NFATC1: variants seen among roughly 807,000 people sequenced by gnomAD.
The protein encoded by NFATC1 is nuclear factor of activated T cells 1.
A neutral mutation model predicts 76.0 loss-of-function variants in NFATC1; 22 were observed. The observed-to-expected ratio is 0.29, with a 90% CI of 0.21 to 0.41. The LOEUF is 0.41. Among genes scored for constraint, NFATC1 ranks in the 10% least tolerant of loss-of-function variants. The pLI, the probability that NFATC1 is intolerant of heterozygous loss-of-function variation, is 1.00. For synonymous variants in NFATC1, 704 were observed against 613.1 expected, an observed-to-expected ratio of 1.15 and a Z score of -2.19; for missense variants, 1,357 against 1,337.7, an observed-to-expected ratio of 1.01 and a Z score of -0.23.
Position 79,506,037 on chromosome 18 carries a change from T to G in NFATC1, c.2782+19100T>G, listed in dbSNP as rs79394400. On this transcript the variant is annotated intron_variant, in intron 9 of 9. Transcript: ENST00000427363. ...TTTTGTGCCCTTCTCAAGGGTGCAT[T>G]ACCTGTGTGAAACGTGCCTCCGTAG... 5.9e-5 allele frequency among the ~76,000 whole-genome samples: 9 copies of G among 152,324 alleles called. No homozygotes were observed. The East Asian group carries it at 1.5e-3, about 26-fold the overall frequency.
chr18:79,416,900 A>G (rs1435526230), intron 2 of NFATC1, among the ~76,000 whole-genome samples: 1 of 152,070 alleles, frequency 6.6e-6, no homozygotes, highest in Non-Finnish European at 1.5e-5. Context: ...GGCTCCCGGC[A>G]TGGGTGTCAG....
chr18:79,436,301 C>T (rs1600706975), intron 3 of NFATC1, among the ~76,000 whole-genome samples: 1 of 152,214 alleles, frequency 6.6e-6, no homozygotes, highest in Non-Finnish European at 1.5e-5. Flanking sequence ...CCACTGGGAG[C>T]CGTTGGGAAC....
At chr18:79,513,997 T>G (rs1328661369) in intron 9 of NFATC1, among the ~76,000 whole-genome samples, 1 of 152,184 alleles carries the variant, frequency 6.6e-6, no homozygotes, top group Non-Finnish European at 1.5e-5. Context: ...AAGGCCGTGC[T>G]GATCTCCACG....
At chr18:79,473,046 T>C (rs527359522) in intron 8 of NFATC1, among the ~76,000 whole-genome samples, 2 of 152,372 alleles carry the variant, frequency 1.3e-5, no homozygotes, top group South Asian at 4.1e-4. Context: ...CCGGGACCCC[T>C]ACACTGATGT....
At chr18:79,521,373 T>G (rs1330283829) in intron 9 of NFATC1, among the ~76,000 whole-genome samples, 5 of 73,878 alleles carry the variant, frequency 6.8e-5, no homozygotes, top group African/African-American at 1.7e-4. Context: ...TGTGTGTGTG[T>G]GGGGAGCATC....
chr18:79,495,838 G>A (rs1297179864), intron 9 of NFATC1, among the ~76,000 whole-genome samples: 1 of 152,172 alleles, frequency 6.6e-6, no homozygotes, highest in Non-Finnish European at 1.5e-5. Context: ...CTGTAACACA[G>A]GCAAGCTGTG....
At chr18:79,416,223 TCA>T (rs1453627145) in intron 2 of NFATC1, among the ~76,000 whole-genome samples, 7 of 152,264 alleles carry the variant, frequency 4.6e-5, no homozygotes, top group African/African-American at 1.7e-4. Context: ...TCTGAAAGTT[TCA>T]CAGTTTATCA....
chr18:79,503,177 G>A (rs1043324665), intron 9 of NFATC1, among the ~76,000 whole-genome samples: 1 of 152,212 alleles, frequency 6.6e-6, no homozygotes, highest in Non-Finnish European at 1.5e-5. Flanking sequence ...GGTGAACCTG[G>A]AAACCCTCAT....
chr18:79,467,310 GTT>G, intron 7 of NFATC1, 138 bp from the exon 8 acceptor site: 1 of 769,670 alleles, frequency 1.3e-6, no homozygotes, highest in Admixed American at 2.7e-5. Flanking sequence ...GAAACGCGGG[GTT>G]GCCGTGTGGC....
intron 1 of NFATC1, among the ~76,000 whole-genome samples, chr18:79,397,494 G>T (rs1023004915): frequency 1.3e-5 from 2 of 152,212 alleles, no homozygotes; most frequent in African/African-American, 2.4e-5. Context: ...CTCCACGGAG[G>T]GGGGTCCGTG....
chr18:79,432,417 G>T (rs1177957947), intron 2 of NFATC1, among the ~76,000 whole-genome samples: 1 of 152,286 alleles, frequency 6.6e-6, no homozygotes, highest in Non-Finnish European at 1.5e-5. Flanking sequence ...ACATAGCGGT[G>T]AGGACAGCCG....
chr18:79,446,821 C>T (rs376788387), intron 3 of NFATC1, among the ~76,000 whole-genome samples: 1 of 152,238 alleles, frequency 6.6e-6, no homozygotes, highest in East Asian at 1.9e-4. Context: ...TGGGCATCTG[C>T]GCACATGGGG....
chr18:79,441,297 C>T (rs1168182784), intron 3 of NFATC1, among the ~76,000 whole-genome samples: 1 of 152,110 alleles, frequency 6.6e-6, no homozygotes, highest in Non-Finnish European at 1.5e-5. Context: ...GGGCCCTTCA[C>T]CCCTGTGTGT....
chr18:79,477,519 T>C lies in NFATC1; in HGVS notation c.2093-8729T>C, dbSNP rs148766493. Among the ~76,000 whole-genome samples the C allele has an allele frequency of 7.8e-3, 1,188 of 152,312 alleles. 11 individuals are homozygous for C. The highest frequency in any genetic ancestry group is 0.012 in the Non-Finnish European group (801 of 68,008). ...CGGAAGAAGGGGGTCCGGGGCACTG[T>C]CTCAGTCTTTGGGGCTTCCATGGTG... On this transcript the variant is annotated intron_variant, in intron 8 of 9. Transcript: ENST00000427363.
intron 2 of NFATC1, among the ~76,000 whole-genome samples, chr18:79,414,901 G>A (rs1443580400): frequency 5.3e-5 from 8 of 152,218 alleles, no homozygotes; most frequent in East Asian, 1.9e-4. Flanking sequence ...GAGAGTGCAC[G>A]TTGAAGGCTG....
intron 3 of NFATC1, among the ~76,000 whole-genome samples, chr18:79,443,724 G>C (rs931058832): frequency 6.6e-6 from 1 of 152,338 alleles, no homozygotes; most frequent in Admixed American, 6.5e-5. Context: ...GGGAGGGCAG[G>C]TACGATCGAT....
At chr18:79,508,766 GCT>G (rs200378681) in intron 9 of NFATC1, among the ~76,000 whole-genome samples, 3,070 of 147,808 alleles carry the variant, frequency 0.021, 103 homozygotes, top group Admixed American at 0.086. Flanking sequence ...TCCCTTCCTC[GCT>G]CTGTTTCTCT....
intron 9 of NFATC1, among the ~76,000 whole-genome samples, chr18:79,510,135 C>T (rs921974468): frequency 1.3e-5 from 2 of 152,208 alleles, no homozygotes; most frequent in Non-Finnish European, 2.9e-5. Flanking sequence ...CATAGCCCCC[C>T]CCAAGGAGGA....
At chr18:79,460,910 A>G (rs1165914595) in intron 6 of NFATC1, among the ~76,000 whole-genome samples, 1 of 151,968 alleles carries the variant, frequency 6.6e-6, no homozygotes, top group Non-Finnish European at 1.5e-5. Context: ...GCTCCCCCTC[A>G]CACCTGCTCT....
Sources: allele counts gnomAD v4.1 joint callset (sites outside exome capture counted in the v4.1 genomes callset), GRCh38; gene constraint gnomAD v4.1.1; transcripts MANE v1.5; gene names NCBI Gene and HGNC (gene_info 2026-07-23, HGNC 2026-07-21).